KCNK2: variants seen among roughly 807,000 people sequenced by gnomAD.
KCNK2 encodes potassium channel subfamily K member 2.
Under a neutral mutation model 40.5 loss-of-function variants are expected in KCNK2, and 21 were observed. The ratio of observed to expected loss-of-function variants is 0.52; its 90% CI spans 0.37 to 0.75. KCNK2 has a LOEUF of 0.75. Ranked by LOEUF, KCNK2 falls within the 30% of genes least tolerant of loss-of-function variation. KCNK2 has a pLI of 0.00. For synonymous variants in KCNK2, 191 were observed against 202.2 expected (o/e 0.94, Z 0.47); for missense variants, 399 against 531.6 (o/e 0.75, Z 2.45).
Position 215,172,010 on chromosome 1 carries a change from G to A in KCNK2, c.650G>A (p.Ser217Asn), listed in dbSNP as rs761268527. The A allele has an allele frequency of 6.2e-7, 1 of 1,611,882 alleles. No individual in the cohort carries two copies. The highest frequency in any genetic ancestry group is 8.5e-7 in the Non-Finnish European group (1 of 1,178,962). ...VEDTFIKWNV[S>N]QTKIRIISTI... ...TCTCATCCCTAGAAGTGGAATGTTA[G>A]TCAGACCAAGATTCGCATCATCTCA... Residue 217 changes from serine (S) to asparagine (N), a missense_variant, in exon 5 of 7, where the codon AGT becomes AAT. Ser to Asn is a conservative substitution (Grantham distance 46). Coordinates refer to ENST00000444842, the MANE Select transcript of KCNK2 (RefSeq NM_001017425.3).
chr1:215,134,393 C>G (rs1228481933), intron 3 of KCNK2, among the ~76,000 whole-genome samples: 1 of 152,108 alleles, frequency 6.6e-6, no homozygotes, highest in Non-Finnish European at 1.5e-5. Context: ...CTGACATTTA[C>G]CAGTTTATTA....
chr1:215,007,416 G>T (rs926381881), intron 1 of KCNK2, among the ~76,000 whole-genome samples: 3 of 151,280 alleles, frequency 2.0e-5, no homozygotes, highest in East Asian at 2.0e-4. Context: ...TGAAGGTGAA[G>T]ATCAAAAGGC....
intron 2 of KCNK2, among the ~76,000 whole-genome samples, chr1:215,096,628 G>A (rs143106769): frequency 1.2e-4 from 18 of 152,046 alleles, no homozygotes; most frequent in African/African-American, 3.6e-4. Flanking sequence ...AGGGAACCTC[G>A]CACAGTGGCT....
At chr1:215,101,091 C>T (rs910663381) in intron 2 of KCNK2, among the ~76,000 whole-genome samples, 27 of 151,974 alleles carry the variant, frequency 1.8e-4, no homozygotes, top group African/African-American at 5.6e-4. Flanking sequence ...AATTCATGTT[C>T]GTTCATTTAT....
intron 2 of KCNK2, 102 bp from the exon 3 acceptor site, chr1:215,124,531 T>C: frequency 1.3e-6 from 1 of 765,832 alleles, no homozygotes; most frequent in Non-Finnish European, 2.4e-6. Flanking sequence ...ATGTTAGAGT[T>C]GATTCTCTTT....
chr1:215,082,999 C>T lies in KCNK2; in HGVS notation c.-387C>T. 1 of 155,628 alleles carries T rather than the reference C, an allele frequency of 6.4e-6. No individual in the cohort carries two copies. The highest frequency in any genetic ancestry group is 1.4e-5 in the Non-Finnish European group (1 of 73,616). 9.6% of individuals were successfully genotyped at this position (155,628 alleles called of 1,614,324 possible). A position where few individuals can be genotyped will look rare whatever the true frequency, so the allele number is the denominator to read the frequency against. Reference sequence around the variant, plus strand: ...GGCCAGCGAGCAGCCCGGGGCTGAGCGCGTGGCGGCGGCGGCGGCGGCGGC... The same window carrying T: ...GGCCAGCGAGCAGCCCGGGGCTGAGTGCGTGGCGGCGGCGGCGGCGGCGGC... On this transcript the variant is annotated 5_prime_UTR_variant, in exon 1 of 7. Transcript: ENST00000444842.
chr1:215,231,202 T>C (rs985453157), intron 6 of KCNK2, among the ~76,000 whole-genome samples: 2 of 152,186 alleles, frequency 1.3e-5, no homozygotes, highest in African/African-American at 4.8e-5. Context: ...GATAAAAACA[T>C]TTAAAATACT....
chr1:215,071,943 C>T (rs1348519500), intron 1 of KCNK2, among the ~76,000 whole-genome samples: 1 of 152,136 alleles, frequency 6.6e-6, no homozygotes, highest in African/African-American at 2.4e-5. Context: ...AAGGTTAGAT[C>T]TTGCCTTTGT....
At chr1:215,173,953 G>A (rs555167461) in intron 5 of KCNK2, among the ~76,000 whole-genome samples, 2 of 152,164 alleles carry the variant, frequency 1.3e-5, no homozygotes, top group African/African-American at 2.4e-5. Context: ...TTCTTTTGCT[G>A]TGCAGAAGCT....
chr1:215,221,868 T>C (rs1666191399), intron 6 of KCNK2, among the ~76,000 whole-genome samples: 1 of 152,236 alleles, frequency 6.6e-6, no homozygotes, highest in African/African-American at 2.4e-5. Flanking sequence ...TATTCTTGCA[T>C]TGCTATAAAG....
intron 1 of KCNK2, among the ~76,000 whole-genome samples, chr1:215,014,551 G>A (rs940093773): frequency 1.3e-5 from 2 of 151,948 alleles, no homozygotes; most frequent in African/African-American, 4.8e-5. Flanking sequence ...GAGGGTAGTA[G>A]TCTAGAAATA....
chr1:215,123,403 A>ATT (rs1003003740), intron 2 of KCNK2, among the ~76,000 whole-genome samples: 1 of 145,126 alleles, frequency 6.9e-6, no homozygotes, highest in South Asian at 2.2e-4. Context: ...GTATTTTCTT[A>ATT]TTTTTTTTTT....
intron 3 of KCNK2, among the ~76,000 whole-genome samples, chr1:215,140,431 G>A (rs911808836): frequency 2.0e-5 from 3 of 152,124 alleles, no homozygotes; most frequent in Admixed American, 1.3e-4. Context: ...TCCTCACTGT[G>A]CAAACATCAT....
chr1:215,141,097 G>A (rs981575518), intron 3 of KCNK2, among the ~76,000 whole-genome samples: 5 of 151,912 alleles, frequency 3.3e-5, no homozygotes, highest in African/African-American at 7.3e-5. Flanking sequence ...TTCCACCTCC[G>A]TATTTTTTCC....
intron 2 of KCNK2, among the ~76,000 whole-genome samples, chr1:215,105,624 A>G (rs61818311): frequency 6.6e-6 from 1 of 152,044 alleles, no homozygotes; most frequent in African/African-American, 2.4e-5. Flanking sequence ...CAGGGAGTAC[A>G]TGTGCAGATT....
intron 1 of KCNK2, among the ~76,000 whole-genome samples, chr1:215,068,706 C>A (rs554397096): frequency 6.6e-6 from 1 of 152,276 alleles, no homozygotes; most frequent in Non-Finnish European, 1.5e-5. Flanking sequence ...TAATGTGATA[C>A]TGGGTTGATA....
chr1:215,223,536 A>C (rs1335814411), intron 6 of KCNK2, among the ~76,000 whole-genome samples: 2 of 152,154 alleles, frequency 1.3e-5, no homozygotes, highest in East Asian at 3.9e-4. Context: ...AAGGGAAAAA[A>C]AGTGACCTTG....
chr1:215,053,710 T>G (rs1276397800), intron 1 of KCNK2, among the ~76,000 whole-genome samples: 1 of 152,228 alleles, frequency 6.6e-6, no homozygotes, highest in Non-Finnish European at 1.5e-5. Context: ...TAGATATTCT[T>G]GAACTCAGTA....
chr1:215,037,860 A>G (rs1209776990), intron 1 of KCNK2, among the ~76,000 whole-genome samples: 4 of 151,908 alleles, frequency 2.6e-5, no homozygotes, highest in Admixed American at 2.0e-4. Flanking sequence ...TAAGACTTGT[A>G]GAATCTGTAG....
Sources: gnomAD v4.1 joint callset for allele counts (sites outside exome capture counted in the v4.1 genomes callset) on GRCh38, gnomAD v4.1.1 for gene constraint, MANE v1.5 for transcripts, NCBI Gene and HGNC (gene_info 2026-07-23, HGNC 2026-07-21) for gene names.